Variants in SLC5A4 observed in about 807,000 individuals in gnomAD.
SLC5A4 encodes the protein solute carrier family 5 member 4.
SLC5A4 carries 55 observed loss-of-function variants against 70.3 expected under a neutral mutation model. The ratio of observed to expected loss-of-function variants is 0.78; its 90% CI spans 0.63 to 0.98. The LOEUF is 0.98. SLC5A4 is among the 50% of genes least tolerant of loss of function. SLC5A4 has a pLI of 0.00. For missense variants in SLC5A4, 735 were observed against 839.2 expected, an observed-to-expected ratio of 0.88 and a Z score of 1.53; for synonymous variants, 268 against 305.7, an observed-to-expected ratio of 0.88 and a Z score of 1.29.
chr22:32,332,206 G>A, the SLC5A4 span, among the ~76,000 whole-genome samples: 4 of 152,100 alleles, frequency 2.6e-5, no homozygotes, highest in East Asian at 3.9e-4. Flanking sequence ...CACTCTCCTC[G>A]AGGGCACCCT....
Position 32,229,314 on chromosome 22 carries a change from A to G in SLC5A4, c.1160T>C (p.Leu387Pro), listed in dbSNP as rs1925598035. The G allele has an allele frequency of 6.2e-7, 1 of 1,614,232 alleles. No individual in the cohort carries two copies. The highest frequency in any genetic ancestry group is 1.1e-5 in the South Asian group (1 of 91,078). Residue 387 changes from leucine to proline, a missense_variant, in exon 11 of 15, where the codon CTG becomes CCG. Coordinates refer to ENST00000266086, the MANE Select transcript of SLC5A4 (RefSeq NM_014227.3). The stretch of plus-strand genomic sequence containing the variant: ...GGTCAGGGAGCTCATGAGAGAGGCC[A>G]GCATGACCGAAAGCATCAGGCCTCG... ...GLRGLMLSVM[L>P]ASLMSSLTSI...
the SLC5A4 span, among the ~76,000 whole-genome samples, chr22:32,281,559 C>T: frequency 6.6e-6 from 1 of 152,158 alleles, no homozygotes; most frequent in African/African-American, 2.4e-5. Flanking sequence ...GATGGGGTCT[C>T]ACTTTGTTGC....
At chr22:32,304,306 T>C in the SLC5A4 span, among the ~76,000 whole-genome samples, 313 of 152,144 alleles carry the variant, frequency 2.1e-3, 4 homozygotes, top group African/African-American at 7.1e-3. Context: ...TTGTGGGGTT[T>C]TTTTCCGTAT....
chr22:32,272,523 C>T, the SLC5A4 span: 33 of 675,112 alleles, frequency 4.9e-5, no homozygotes, highest in East Asian at 1.6e-4. Context: ...GAGAGCAAGA[C>T]GCTGAGCCTC....
the SLC5A4 span, among the ~76,000 whole-genome samples, chr22:32,262,989 C>T: frequency 0.015 from 2,303 of 151,970 alleles, 35 homozygotes; most frequent in Middle Eastern, 0.027. Flanking sequence ...AGGATGGTCT[C>T]GATCTCCTGA....
the SLC5A4 span, among the ~76,000 whole-genome samples, chr22:32,291,875 TA>T: frequency 1.5e-3 from 207 of 140,642 alleles, no homozygotes; most frequent in Admixed American, 0.011. Flanking sequence ...TTTTCTTTTC[TA>T]TCTTTTTTTT....
the SLC5A4 span, among the ~76,000 whole-genome samples, chr22:32,316,856 C>T: frequency 6.6e-6 from 1 of 151,848 alleles, no homozygotes; most frequent in East Asian, 1.9e-4. Flanking sequence ...TTTAATTCAC[C>T]TTTCTCAATC....
intron 5 of SLC5A4, 48 bp from the exon 6 acceptor site, chr22:32,239,138 A>T: frequency 7.2e-7 from 1 of 1,387,988 alleles, no homozygotes; most frequent in Non-Finnish European, 1.0e-6. Context: ...ATTTGAGGCC[A>T]CTGGCTTCTC....
intron 2 of SLC5A4, among the ~76,000 whole-genome samples, chr22:32,252,200 A>T (rs569014745): frequency 1.3e-5 from 2 of 150,790 alleles, no homozygotes; most frequent in African/African-American, 2.5e-5. Flanking sequence ...ACTGCACTCC[A>T]GCCTGGGTGA....
chr22:32,319,208 T>C, the SLC5A4 span, among the ~76,000 whole-genome samples: 1 of 152,050 alleles, frequency 6.6e-6, no homozygotes, highest in South Asian at 2.1e-4. Context: ...TGCCATCAGC[T>C]CTCCTGGGTC....
At chr22:32,219,240 A>G (rs1450019445) in intron 14 of SLC5A4, among the ~76,000 whole-genome samples, 1 of 152,206 alleles carries the variant, frequency 6.6e-6, no homozygotes, top group African/African-American at 2.4e-5. Context: ...TTGCTAGGGA[A>G]GCAAGTCCCC....
At chr22:32,345,246 C>T in the SLC5A4 span, among the ~76,000 whole-genome samples, 1 of 151,496 alleles carries the variant, frequency 6.6e-6, no homozygotes, top group East Asian at 1.9e-4. Flanking sequence ...AGAAATGTAA[C>T]ATTATTAAAG....
the SLC5A4 span, among the ~76,000 whole-genome samples, chr22:32,299,668 C>T: frequency 1.0e-5 from 1 of 99,198 alleles, no homozygotes; most frequent in African/African-American, 3.7e-5. Flanking sequence ...CAAAGTCATT[C>T]TCTATCCAGC....
At chr22:32,238,538 G>A (rs1281531704) in intron 6 of SLC5A4, among the ~76,000 whole-genome samples, 4 of 152,090 alleles carry the variant, frequency 2.6e-5, no homozygotes, top group Non-Finnish European at 5.9e-5. Context: ...ATCGTCTCCC[G>A]CCAGCAACCC....
At chr22:32,252,369 T>A (rs537955658) in intron 2 of SLC5A4, among the ~76,000 whole-genome samples, 1 of 152,274 alleles carries the variant, frequency 6.6e-6, no homozygotes, top group Non-Finnish European at 1.5e-5. Flanking sequence ...GCCAAGAATG[T>A]TTTTTTACAT....
At chr22:32,350,260 A>G in the SLC5A4 span, among the ~76,000 whole-genome samples, 3 of 152,198 alleles carry the variant, frequency 2.0e-5, no homozygotes, top group Admixed American at 2.0e-4. Flanking sequence ...TACTGCCCCC[A>G]TTGTAAAGAT....
At chr22:32,254,990 C>T (rs879100645) in intron 1 of SLC5A4, among the ~76,000 whole-genome samples, 2 of 152,104 alleles carry the variant, frequency 1.3e-5, no homozygotes, top group Non-Finnish European at 2.9e-5. Context: ...CTGAAGGTCC[C>T]GGTGCTGGCT....
At chr22:32,298,172 G>A in the SLC5A4 span, among the ~76,000 whole-genome samples, 73 of 147,280 alleles carry the variant, frequency 5.0e-4, no homozygotes, top group Middle Eastern at 3.5e-3. Flanking sequence ...TGCTAGGTCC[G>A]CTTGGTGCAG....
chr22:32,226,133 A>G (rs1294412528), intron 11 of SLC5A4, among the ~76,000 whole-genome samples: 1 of 152,278 alleles, frequency 6.6e-6, no homozygotes, highest in Non-Finnish European at 1.5e-5. Context: ...AATTGGAAAT[A>G]AATACCACAC....
Sources: gnomAD v4.1 joint callset for allele counts (sites outside exome capture counted in the v4.1 genomes callset) on GRCh38, gnomAD v4.1.1 for gene constraint, MANE v1.5 for transcripts, NCBI Gene and HGNC (gene_info 2026-07-23, HGNC 2026-07-21) for gene names.